The following SMAP2 variants were observed in gnomAD, a reference collection of about 807,000 sequenced individuals.
The protein encoded by SMAP2 is stromal membrane-associated protein 2.
A neutral mutation model predicts 56.4 loss-of-function variants in SMAP2; 25 were observed. That is an observed-to-expected ratio of 0.44 (90% CI 0.32 to 0.62). The LOEUF is 0.62. Ranked by LOEUF, SMAP2 falls within the 20% of genes least tolerant of loss-of-function variation. SMAP2 has a pLI of 0.04. For synonymous variants in SMAP2, 157 were observed against 181.7 expected, an observed-to-expected ratio of 0.86 and a Z score of 1.09; for missense variants, 388 against 545.6, an observed-to-expected ratio of 0.71 and a Z score of 2.88.
chr1:40,345,883 GTATTGTATTA>G (rs1644383614), intron 1 of SMAP2, among the ~76,000 whole-genome samples: 2 of 58,664 alleles, frequency 3.4e-5, no homozygotes, highest in Non-Finnish European at 6.3e-5. Flanking sequence ...GTATTATATT[GTATTGTATTA>G]TATTATATTA....
intron 1 of SMAP2, among the ~76,000 whole-genome samples, chr1:40,402,569 C>T (rs1216174111): frequency 6.6e-6 from 1 of 152,104 alleles, no homozygotes; most frequent in African/African-American, 2.4e-5. Context: ...CCTGCCTCAG[C>T]CTCCCCAGTA....
chr1:40,353,360 C>T (rs1370148624), intron 1 of SMAP2, among the ~76,000 whole-genome samples: 4 of 152,126 alleles, frequency 2.6e-5, no homozygotes, highest in Non-Finnish European at 4.4e-5. Flanking sequence ...CCAGAATAGT[C>T]ACCCAGAGGG....
intron 1 of SMAP2, chr1:40,393,372 C>T (rs967489374): frequency 2.6e-6 from 4 of 1,535,194 alleles, no homozygotes; most frequent in Non-Finnish European, 3.5e-6. Context: ...GCAGGAGAGG[C>T]AGCAGAGCGC....
intron 6 of SMAP2, 136 bp downstream of exon 6, chr1:40,414,376 C>CT (rs1644967070): frequency 1.3e-6 from 1 of 789,578 alleles, no homozygotes; most frequent in African/African-American, 1.7e-5. Context: ...TCTTCCTGAT[C>CT]TGTTTTACAT....
Position 40,417,109 on chromosome 1 carries a change from A to G in SMAP2, c.1164+13A>G. 6.3e-7 allele frequency: 1 copy of G among 1,581,064 alleles called. No homozygotes were observed. The highest frequency in any genetic ancestry group is 1.1e-5 in the South Asian group (1 of 88,900). ...GAACCTTACTCAGGTAAGCTACCCCATTTTACTTGCAGCAAGAGTTTTGAG... is the reference window on the plus strand; with the variant it reads ...GAACCTTACTCAGGTAAGCTACCCCGTTTTACTTGCAGCAAGAGTTTTGAG... On this transcript the variant is annotated intron_variant, in intron 9 of 9. Transcript: ENST00000372718.
chr1:40,418,866 G>A (rs1645015040), intron 9 of SMAP2, among the ~76,000 whole-genome samples: 1 of 152,154 alleles, frequency 6.6e-6, no homozygotes. Flanking sequence ...AGAACTCAGA[G>A]AATATCACAC....
At chr1:40,403,619 T>G (rs893959432) in intron 1 of SMAP2, 4 of 984,044 alleles carry the variant, frequency 4.1e-6, no homozygotes, top group South Asian at 9.4e-5. Flanking sequence ...AAGTGGGTTC[T>G]GGAAACCTTA....
intron 1 of SMAP2, among the ~76,000 whole-genome samples, chr1:40,347,126 C>T (rs770641890): frequency 2.0e-5 from 3 of 151,872 alleles, no homozygotes; most frequent in Non-Finnish European, 4.4e-5. Flanking sequence ...TCACTGCAGC[C>T]TCTGCCTCCT....
chr1:40,415,134 G>A lies in SMAP2; in HGVS notation c.572-138G>A, dbSNP rs1644974436. The A allele has an allele frequency of 7.5e-6, 5 of 662,664 alleles. No homozygotes were observed. The Admixed American group carries it at 7.8e-5, about 10-fold the overall frequency. 41.0% of individuals were successfully genotyped at this position (662,664 alleles called of 1,614,324 possible). On this transcript the variant is annotated intron_variant, in intron 6 of 9. Coordinates refer to ENST00000372718, the MANE Select transcript of SMAP2 (RefSeq NM_022733.3). The stretch of plus-strand genomic sequence containing the variant: ...GGTGAAGCCTCTTTTGAGAAGCCCC[G>A]TCCATGCTAGATGGTTCCAGAAGTC...
chr1:40,409,891 A>G, intron 4 of SMAP2, 56 bp downstream of exon 4: 1 of 1,173,320 alleles, frequency 8.5e-7, no homozygotes, highest in Non-Finnish European at 1.3e-6. Context: ...TTATTAAATC[A>G]GGCCAGAGAA....
Position 40,385,710 on chromosome 1 carries a change from C to T in SMAP2, c.103+11487C>T, listed in dbSNP as rs1417715209. The stretch of plus-strand genomic sequence containing the variant: ...TGTCTTTTGCAGCAGTTGCTGGTGA[C>T]GGAATACCATAAATCCCCAGGCCTC... On this transcript the variant is annotated intron_variant, in intron 1 of 9. Coordinates refer to ENST00000372718, the MANE Select transcript of SMAP2 (RefSeq NM_022733.3). The surrounding 1 kb of genome is among the most constrained non-coding windows in gnomAD (Gnocchi z 4.5). Among the ~76,000 whole-genome samples the T allele has an allele frequency of 2.0e-5, 3 of 152,230 alleles. No homozygotes were observed. Among genetic ancestry groups the T allele is most frequent in the Non-Finnish European group, 4.4e-5 (3 of 68,040 alleles).
Position 40,386,424 on chromosome 1 carries a change from T to C in SMAP2, c.103+12201T>C, listed in dbSNP as rs938561047. 2.0e-5 allele frequency among the ~76,000 whole-genome samples: 3 copies of C among 152,134 alleles called. No homozygotes were observed. Among genetic ancestry groups the C allele is most frequent in the African/African-American group, 7.2e-5 (3 of 41,406 alleles). Reference sequence around the variant, plus strand: ...TGACTACAGTATTAACATTCCCAGATTATATGAAAGAGAAAGGAAGCTTCA... The same window carrying C: ...TGACTACAGTATTAACATTCCCAGACTATATGAAAGAGAAAGGAAGCTTCA... On this transcript the variant is annotated intron_variant, in intron 1 of 9. Coordinates refer to ENST00000372718, the MANE Select transcript of SMAP2 (RefSeq NM_022733.3). This position sits in a 1 kb window ranked among gnomAD's most constrained non-coding sequence, Gnocchi z 4.1.
intron 1 of SMAP2, among the ~76,000 whole-genome samples, chr1:40,394,464 G>A (rs1050793645): frequency 4.6e-5 from 7 of 152,030 alleles, no homozygotes; most frequent in Admixed American, 4.6e-4. Flanking sequence ...CAAGGGACTG[G>A]CCTCTAACGG....
intron 1 of SMAP2, among the ~76,000 whole-genome samples, chr1:40,404,791 CAT>C (rs58508516): frequency 0.015 from 2,331 of 152,224 alleles, 65 homozygotes; most frequent in African/African-American, 0.054. Flanking sequence ...GGATATACCA[CAT>C]GTTAAGAAAC....
intron 1 of SMAP2, among the ~76,000 whole-genome samples, chr1:40,403,483 C>T (rs1208663780): frequency 2.0e-5 from 3 of 151,978 alleles, no homozygotes; most frequent in Non-Finnish European, 4.4e-5. Flanking sequence ...CCAGCCTGGA[C>T]GACAGAGCGA....
intron 1 of SMAP2, among the ~76,000 whole-genome samples, chr1:40,391,936 T>G (rs1046940906): frequency 6.6e-6 from 1 of 152,216 alleles, no homozygotes; most frequent in Non-Finnish European, 1.5e-5. Context: ...AGTTTGCTTA[T>G]ATTACCTGAA....
At position 40,408,728 on chromosome 1, in the gene SMAP2, C is replaced by CAGAT; in HGVS notation, c.317_320dup (p.Pro108ArgfsTer5). 1 of 1,613,682 alleles carries CAGAT rather than the reference C, an allele frequency of 6.2e-7. No individual in the cohort carries two copies. The highest frequency in any genetic ancestry group is 8.5e-7 in the Non-Finnish European group (1 of 1,179,660). ...TCTTCCTGAGACCTTTCGGCGACCTCAGATAGACCCGTATCTTTTCTGGAG... is the reference window on the plus strand; with the variant it reads ...TCTTCCTGAGACCTTTCGGCGACCTCAGATAGATAGACCCGTATCTTTTCTGGAG... On this transcript the variant is annotated frameshift_variant, in exon 3 of 10. Transcript: ENST00000372718. LOFTEE classifies it high-confidence loss of function. The surrounding 1 kb of genome is among the most constrained non-coding windows in gnomAD (Gnocchi z 4.3).
chr1:40,420,811 TG>T (rs1319363635), intron 9 of SMAP2, among the ~76,000 whole-genome samples: 1 of 152,220 alleles, frequency 6.6e-6, no homozygotes, highest in Non-Finnish European at 1.5e-5. Flanking sequence ...ATAACTGTCC[TG>T]GGTTCTTAAA....
At chr1:40,398,113 C>T (rs1644790446) in intron 1 of SMAP2, among the ~76,000 whole-genome samples, 1 of 152,096 alleles carries the variant, frequency 6.6e-6, no homozygotes, top group African/African-American at 2.4e-5. Context: ...TCATTGCAAA[C>T]AATTCAGAGA....
Sources: gnomAD v4.1 joint callset for allele counts (sites outside exome capture counted in the v4.1 genomes callset) on GRCh38, gnomAD v4.1.1 for gene constraint, Gnocchi (gnomAD v3.1) non-coding constraint, MANE v1.5 for transcripts, NCBI Gene and HGNC (gene_info 2026-07-23, HGNC 2026-07-21) for gene names.